The following CIITA variants were observed in gnomAD, a reference collection of about 807,000 sequenced individuals.
CIITA encodes MHC class II transactivator.
CIITA carries 72 observed loss-of-function variants against 115.1 expected under a neutral mutation model. That is an observed-to-expected ratio of 0.63 (90% confidence interval 0.52 to 0.76). CIITA has a LOEUF of 0.76. CIITA is among the 30% of genes least tolerant of loss of function. CIITA has a pLI of 0.00. For missense variants in CIITA, 1,617 were observed against 1,463.8 expected, an observed-to-expected ratio of 1.10 and a Z score of -1.71; for synonymous variants, 763 against 635.6, an observed-to-expected ratio of 1.20 and a Z score of -3.02.
intron 15 of CIITA, chr16:10,916,943 G>C (rs2039985011): frequency 3.8e-6 from 1 of 265,056 alleles, no homozygotes; most frequent in Non-Finnish European, 7.3e-6. Flanking sequence ...CCTGACCTCA[G>C]GAATCTTAAA....
intron 1 of CIITA, among the ~76,000 whole-genome samples, chr16:10,871,538 C>T (rs1021026092): frequency 4.6e-5 from 7 of 152,182 alleles, no homozygotes; most frequent in African/African-American, 1.2e-4. Flanking sequence ...AGAACAAAGG[C>T]TCCCTCTGGG....
chr16:10,891,085 G>A (rs1474703816), intron 1 of CIITA, among the ~76,000 whole-genome samples: 1 of 152,146 alleles, frequency 6.6e-6, no homozygotes, highest in Non-Finnish European at 1.5e-5. Flanking sequence ...TCCAGAGTTT[G>A]AAGCAGAGCT....
rs2040966334 is a variant in CIITA, at chr16:10,934,969, C to T, written c.*11114C>T. On this transcript the variant is annotated 3_prime_UTR_variant, in exon 20 of 20. Transcript: ENST00000324288. This position sits in a 1 kb window ranked among gnomAD's most constrained non-coding sequence, Gnocchi z 4.2. ...GCACCCAAGGAAAGGGGGAAGGCTTCCTGGGCTAGAGCCCCTTCAGGGTCT... is the reference window on the plus strand; with the variant it reads ...GCACCCAAGGAAAGGGGGAAGGCTTTCTGGGCTAGAGCCCCTTCAGGGTCT... 6.6e-6 allele frequency: 1 copy of T among 152,296 alleles called. No individual in the cohort carries two copies. The highest frequency in any genetic ancestry group is 6.5e-5 in the Admixed American group (1 of 15,290). The allele number at this position is 152,296 out of a possible 1,614,324, so 9.4% of individuals were successfully genotyped here.
intron 14 of CIITA, 123 bp from the exon 15 acceptor site, chr16:10,916,244 G>A: frequency 1.2e-6 from 1 of 845,922 alleles, no homozygotes; most frequent in South Asian, 1.4e-5. Context: ...GGCTGCCTAT[G>A]GTGTATTAGA....
Position 10,935,708 on chromosome 16 carries a change from T to G in CIITA, c.*11853T>G, listed in dbSNP as rs1253700873. 6.6e-6 allele frequency: 1 copy of G among 152,220 alleles called. No homozygotes were observed. The highest frequency in any genetic ancestry group is 1.5e-5 in the Non-Finnish European group (1 of 68,040). 9.4% of individuals were successfully genotyped at this position (152,220 alleles called of 1,614,324 possible). On this transcript the variant is annotated 3_prime_UTR_variant, in exon 20 of 20. Transcript: ENST00000324288. ...AGATGGCATGTGCCTCTCGATAAGA[T>G]GCACTGAAGACACACACTCACTTCT...
At position 10,902,698 on chromosome 16, in the gene CIITA, T is replaced by C. The variant is rs1484867296; in HGVS notation, c.669T>C (p.Pro223=). ...SSSSLSCLNL[P]EGPIQFVPTI... ...CCTCGTTGAGCTGCCTGAATCTCCC[T>C]GAGGGACCCATCCAGTTTGTCCCCA... The change falls in exon 8 of 20, where the codon CCT becomes CCC. Residue 223 remains proline (P), a synonymous_variant. Transcript: ENST00000324288. 1 of 1,614,246 alleles carries C rather than the reference T, an allele frequency of 6.2e-7. No individual in the cohort carries two copies. Among genetic ancestry groups the C allele is most frequent in the Middle Eastern group, 1.6e-4 (1 of 6,062 alleles).
chr16:10,867,943 G>A (rs774506779), intron 1 of CIITA, among the ~76,000 whole-genome samples: 13 of 151,800 alleles, frequency 8.6e-5, no homozygotes, highest in South Asian at 2.1e-4. Context: ...ATTATTTTTT[G>A]TAGAGATGAG....
upstream of CIITA, among the ~76,000 whole-genome samples, chr16:10,876,945 G>A (rs774447900): frequency 7.9e-5 from 12 of 152,184 alleles, no homozygotes; most frequent in South Asian, 2.5e-3. Context: ...ATTTCTGAAC[G>A]TCAGACTGTT....
chr16:10,907,818 C>A lies in CIITA; in HGVS notation c.2326C>A (p.Pro776Thr), dbSNP rs754138150. Residue 776 changes from proline (P) to threonine (T), a missense_variant, in exon 11 of 20, where the codon CCA (proline) becomes ACA (threonine). Transcript: ENST00000324288. This position sits in a 1 kb window ranked among gnomAD's most constrained non-coding sequence, Gnocchi z 5.0. Reference sequence around the variant, plus strand: ...CCGCTGCCTGGGAGCCCTACTCGGGCCATCGGCGGCTGCCTCGGTGGACAG... The same window carrying A: ...CCGCTGCCTGGGAGCCCTACTCGGGACATCGGCGGCTGCCTCGGTGGACAG... The part of the protein sequence containing the change: ...PARCLGALLG[P>T]SAAASVDRKQ... 1 of 1,613,942 alleles carries A rather than the reference C, an allele frequency of 6.2e-7. No homozygotes were observed. The highest frequency in any genetic ancestry group is 8.5e-7 in the Non-Finnish European group (1 of 1,179,888).
In CIITA at chr16:10,931,562, T is replaced by A. The variant is rs1363194590; in HGVS notation, c.*7707T>A. On this transcript the variant is annotated 3_prime_UTR_variant, in exon 20 of 20. Transcript: ENST00000324288. Reference sequence around the variant, plus strand: ...TCCATTTCTGGTAGTAATATAGTTTTTCTTTTCCAAGTCGCTCACACCTGT... The same window carrying A: ...TCCATTTCTGGTAGTAATATAGTTTATCTTTTCCAAGTCGCTCACACCTGT... The A allele has an allele frequency of 6.6e-6, 1 of 152,146 alleles. No individual in the cohort carries two copies. The highest frequency in any genetic ancestry group is 1.5e-5 in the Non-Finnish European group (1 of 68,032). 9.4% of individuals were successfully genotyped at this position (152,146 alleles called of 1,614,324 possible).
At position 10,927,755 on chromosome 16, in the gene CIITA, G is replaced by A. The variant is rs1233830392; in HGVS notation, c.*3900G>A. 1 of 152,182 alleles carries A rather than the reference G, an allele frequency of 6.6e-6. No individual in the cohort carries two copies. The highest frequency in any genetic ancestry group is 2.4e-5 in the African/African-American group (1 of 41,440). 9.4% of individuals were successfully genotyped at this position (152,182 alleles called of 1,614,324 possible). ...AAGATGTGGATAAATTACTGTCTCC[G>A]TGTCACAGATCTAAGTGATACTTAT... On this transcript the variant is annotated 3_prime_UTR_variant, in exon 20 of 20. Transcript: ENST00000324288.
At chr16:10,912,521 T>G (rs1322922178) in intron 13 of CIITA, among the ~76,000 whole-genome samples, 1 of 152,140 alleles carries the variant, frequency 6.6e-6, no homozygotes. Context: ...GGAGGCCTGG[T>G]GAGGTTAAGT....
chr16:10,908,906 A>C, intron 11 of CIITA, 123 bp from the exon 12 acceptor site: 1 of 1,394,482 alleles, frequency 7.2e-7, no homozygotes, highest in Non-Finnish European at 1.0e-6. Flanking sequence ...CTTTCTGGGA[A>C]AGGTAGAGGT....
At position 10,908,112 on chromosome 16, in the gene CIITA, G is replaced by C; in HGVS notation, c.2620G>C (p.Gly874Arg). Reference sequence around the variant, plus strand: ...CACTGGCATTTGCCCCTCTGGATTGGGGAGCCTCGTGGGACTCAGCTGTGT... The same window carrying C: ...CACTGGCATTTGCCCCTCTGGATTGCGGAGCCTCGTGGGACTCAGCTGTGT... ...RSTGICPSGL[G>R]SLVGLSCVTR... Residue 874 changes from glycine to arginine, a missense_variant, in exon 11 of 20, where the codon GGG (glycine) becomes CGG (arginine). Transcript: ENST00000324288. 1 of 1,591,854 alleles carries C rather than the reference G, an allele frequency of 6.3e-7. No homozygotes were observed.
At chr16:10,915,071 G>C (rs906706416) in intron 13 of CIITA, 16 of 453,562 alleles carry the variant, frequency 3.5e-5, no homozygotes, top group African/African-American at 2.6e-4. Flanking sequence ...TTTCTTTTTT[G>C]AGACAGGGTC....
intron 1 of CIITA, among the ~76,000 whole-genome samples, chr16:10,871,828 C>T (rs1596391889): frequency 6.6e-6 from 1 of 152,170 alleles, no homozygotes; most frequent in East Asian, 1.9e-4. Flanking sequence ...TGGCCCTCTA[C>T]CCCAGGAACC....
At position 10,923,677 on chromosome 16, in the gene CIITA, G is replaced by T. The variant is rs1436972321; in HGVS notation, c.*23-201G>T. Among the ~76,000 whole-genome samples the T allele has an allele frequency of 2.0e-5, 3 of 152,132 alleles. No homozygotes were observed. The highest frequency in any genetic ancestry group is 2.0e-4 in the Admixed American group (3 of 15,278). On this transcript the variant is annotated intron_variant, in intron 19 of 19. Coordinates refer to ENST00000324288, the MANE Select transcript of CIITA (RefSeq NM_000246.4). This position sits in a 1 kb window ranked among gnomAD's most constrained non-coding sequence, Gnocchi z 5.2. Reference sequence around the variant, plus strand: ...CTGATGCTCCGGGTTTGTCTCAGATGAACTTGCTTGACAAGTCTCCTGCTC... The same window carrying T: ...CTGATGCTCCGGGTTTGTCTCAGATTAACTTGCTTGACAAGTCTCCTGCTC...
intron 1 of CIITA, among the ~76,000 whole-genome samples, chr16:10,887,489 T>C (rs1282895595): frequency 7.1e-6 from 1 of 141,102 alleles, no homozygotes; most frequent in Non-Finnish European, 1.5e-5. Context: ...AAGTATTCCT[T>C]CTCAAGCTTT....
Position 10,895,426 on chromosome 16 carries a change from C to G in CIITA, c.197C>G (p.Ser66Ter), listed in dbSNP as rs753450513. 6.2e-7 allele frequency: 1 copy of G among 1,613,574 alleles called. No homozygotes were observed. The highest frequency in any genetic ancestry group is 1.7e-5 in the Admixed American group (1 of 60,020). ...LAGEEEIELYSEPDTDTINCD... is the reference protein window; with the variant it reads ...LAGEEEIELY ...GGAGAAGAAGAGATTGAGCTCTACT[C>G]AGGTGGGCCCTCCTCCCTCTGGTCT... Residue 66 changes from serine to a stop codon, truncating the protein, a stop_gained and splice_region_variant, in exon 2 of 20, where the codon TCA becomes TGA. Coordinates refer to ENST00000324288, the MANE Select transcript of CIITA (RefSeq NM_000246.4). LOFTEE classifies it high-confidence loss of function.
Sources: gnomAD v4.1 joint callset for allele counts (sites outside exome capture counted in the v4.1 genomes callset) on GRCh38, gnomAD v4.1.1 for gene constraint, Gnocchi (gnomAD v3.1) non-coding constraint, MANE v1.5 for transcripts, NCBI Gene and HGNC (gene_info 2026-07-23, HGNC 2026-07-21) for gene names.